GC: variants seen among roughly 807,000 people sequenced by gnomAD.
The protein encoded by GC is vitamin D-binding protein.
GC carries 43 observed loss-of-function variants against 56.7 expected under a neutral mutation model. That is an observed-to-expected ratio of 0.76 (90% CI 0.59 to 0.98). The LOEUF (loss-of-function observed/expected upper bound fraction) is 0.98. Among genes scored for constraint, GC ranks in the 50% least tolerant of loss-of-function variants. GC has a pLI of 0.00. For missense variants in GC, 529 were observed against 545.9 expected (o/e 0.97, Z 0.31); for synonymous variants, 216 against 202.7 (o/e 1.07, Z -0.56).
intron 1 of GC, among the ~76,000 whole-genome samples, chr4:71,791,338 CT>C (rs1313500577): frequency 1.3e-5 from 2 of 151,986 alleles, no homozygotes; most frequent in African/African-American, 4.8e-5. Context: ...GACAGTTATT[CT>C]TTTCATTGCT....
intron 1 of GC, among the ~76,000 whole-genome samples, chr4:71,803,207 C>T (rs1194961714): frequency 6.6e-6 from 1 of 152,110 alleles, no homozygotes; most frequent in East Asian, 1.9e-4. Flanking sequence ...TTTGTAGAAT[C>T]CAAAGATTTA....
chr4:71,758,133 TCAG>T lies in GC; in HGVS notation c.737_739del (p.Ala246del), dbSNP rs529043158. The T allele has an allele frequency of 1.0e-3, 1,611 of 1,613,468 alleles. 16 individuals carry two copies. The African/African-American group carries it at 0.02, about 20-fold the overall frequency. On this transcript the variant is annotated inframe_deletion, in exon 7 of 13. Transcript: ENST00000273951. ...AGCTAGTGGCAAAACATCCTCCAGA[TCAG>T]CAGTAGGCACTTTTTGGGCTAACTT...
At chr4:71,754,113 T>C (rs1741642183) in intron 10 of GC, among the ~76,000 whole-genome samples, 1 of 152,206 alleles carries the variant, frequency 6.6e-6, no homozygotes, top group Admixed American at 6.5e-5. Context: ...TACATGGATG[T>C]ATGGCATAGT....
chr4:71,772,894 T>C (rs1435722441), intron 1 of GC, among the ~76,000 whole-genome samples: 1 of 152,108 alleles, frequency 6.6e-6, no homozygotes, highest in East Asian at 1.9e-4. Context: ...AGAGAAGATA[T>C]CTAGCTTACA....
intron 6 of GC, 100 bp from the exon 7 acceptor site, chr4:71,758,271 C>T (rs1741852115): frequency 4.8e-6 from 5 of 1,047,136 alleles, no homozygotes; most frequent in Non-Finnish European, 1.4e-6. Flanking sequence ...ACAATTTCAC[C>T]TCCTTGGCCT....
Position 71,793,539 on chromosome 4 carries a change from C to T in GC, c.22-9485G>A, listed in dbSNP as rs184658964. ...AGACTTTGCTGAAATTGCTTATCAG[C>T]TTCAGGAGGTTTTGGGCTGAGACGA... On this transcript the variant is annotated intron_variant, in intron 1 of 13. Transcript: ENST00000504199. 5.7e-4 allele frequency among the ~76,000 whole-genome samples: 87 copies of T among 152,280 alleles called. No individual in the cohort carries two copies. In the East Asian group the frequency reaches 7.7e-3, roughly 14 times the overall value.
chr4:71,795,492 T>A (rs1743075540), intron 1 of GC, among the ~76,000 whole-genome samples: 1 of 152,228 alleles, frequency 6.6e-6, no homozygotes, highest in African/African-American at 2.4e-5. Flanking sequence ...CTGCTTTTTT[T>A]GCTTTCCATT....
At chr4:71,793,720 C>A (rs1743025891) in intron 1 of GC, among the ~76,000 whole-genome samples, 1 of 152,144 alleles carries the variant, frequency 6.6e-6, no homozygotes, top group Non-Finnish European at 1.5e-5. Context: ...GAGAGGGCAT[C>A]CTTTTCTTGT....
At chr4:71,753,692 A>C (rs1741628120) in intron 10 of GC, among the ~76,000 whole-genome samples, 1 of 152,212 alleles carries the variant, frequency 6.6e-6, no homozygotes, top group South Asian at 2.1e-4. Flanking sequence ...AATGACTATT[A>C]TATAACATTA....
At chr4:71,766,234 T>C (rs1268866322) in intron 3 of GC, among the ~76,000 whole-genome samples, 1 of 152,168 alleles carries the variant, frequency 6.6e-6, no homozygotes, top group African/African-American at 2.4e-5. Flanking sequence ...AAATAAAAAA[T>C]GCTTTGGTTG....
intron 11 of GC, among the ~76,000 whole-genome samples, chr4:71,751,949 A>AT (rs200154515): frequency 6.6e-5 from 10 of 151,988 alleles, no homozygotes; most frequent in Non-Finnish European, 1.2e-4. Flanking sequence ...CTTCAGTTGC[A>AT]TTTTTTTCTT....
At chr4:71,749,542 C>T (rs1342396318) in intron 11 of GC, among the ~76,000 whole-genome samples, 1 of 152,146 alleles carries the variant, frequency 6.6e-6, no homozygotes, top group Non-Finnish European at 1.5e-5. Flanking sequence ...TAATAACAGA[C>T]TCTCAGAGAA....
intron 1 of GC, among the ~76,000 whole-genome samples, chr4:71,773,029 T>A (rs542643941): frequency 1.3e-5 from 2 of 152,220 alleles, no homozygotes; most frequent in South Asian, 4.1e-4. Context: ...GCTTAATAAA[T>A]GTTTTTGGTG....
chr4:71,786,628 C>T (rs1742846402), upstream of GC, among the ~76,000 whole-genome samples: 1 of 151,846 alleles, frequency 6.6e-6, no homozygotes, highest in African/African-American at 2.4e-5. Context: ...ATGCAGATCT[C>T]TTCCTAACTA....
chr4:71,803,826 G>C (rs575936006), intron 1 of GC: 2 of 727,162 alleles, frequency 2.8e-6, no homozygotes, highest in South Asian at 3.0e-5. Context: ...GAAATCCTCT[G>C]TGTTGGTAGT....
rs559533847 is a variant in GC, at chr4:71,750,035, TAAAAC to T, written c.1395+2478_1395+2482del. 3.1e-4 allele frequency among the ~76,000 whole-genome samples: 47 copies of T among 152,098 alleles called. No individual in the cohort carries two copies. In the East Asian group the frequency reaches 8.9e-3, roughly 29 times the overall value. The stretch of plus-strand genomic sequence containing the variant: ...TTTTCTTAGGCACTGTACAATAAAA[TAAAAC>T]AAAACAAAACATAACAAAACAAATA... On this transcript the variant is annotated intron_variant, in intron 11 of 12. Transcript: ENST00000273951.
At position 71,797,437 on chromosome 4, in the gene GC, A is replaced by G. The variant is rs111776431; in HGVS notation, c.21+6489T>C. Among the ~76,000 whole-genome samples the G allele has an allele frequency of 1.7e-4, 26 of 152,354 alleles. 2 individuals are homozygous for G. Among genetic ancestry groups the G allele is most frequent in the African/African-American group, 6.3e-4 (26 of 41,594 alleles). ...CCGCTCAGCTGCAGCCTCGCAGTTC[A>G]ATCTCAGACTGCTGCGCTAGCAGTG... On this transcript the variant is annotated intron_variant, in intron 1 of 13. Transcript: ENST00000504199.
intron 11 of GC, among the ~76,000 whole-genome samples, chr4:71,751,171 G>T (rs1741543442): frequency 6.6e-6 from 1 of 152,078 alleles, no homozygotes; most frequent in South Asian, 2.1e-4. Flanking sequence ...TGAACGTATG[G>T]GCTGACATTT....
intron 1 of GC, among the ~76,000 whole-genome samples, chr4:71,794,940 T>A (rs1743060928): frequency 6.6e-6 from 1 of 152,208 alleles, no homozygotes; most frequent in African/African-American, 2.4e-5. Context: ...AGGAGCAGAT[T>A]GTTCAGTTTG....
Sources: allele counts gnomAD v4.1 joint callset (sites outside exome capture counted in the v4.1 genomes callset), GRCh38; gene constraint gnomAD v4.1.1; transcripts MANE v1.5; gene names NCBI Gene and HGNC (gene_info 2026-07-23, HGNC 2026-07-21).